Variants in LARP4 observed in about 807,000 individuals in gnomAD.
The protein encoded by LARP4 is la-related protein 4.
In LARP4, 29 loss-of-function variants were observed where a neutral mutation model predicts 92.9. The ratio of observed to expected loss-of-function variants is 0.31; its 90% CI spans 0.23 to 0.43. LARP4 has a LOEUF of 0.43. Ranked by LOEUF, LARP4 falls within the 20% of genes least tolerant of loss-of-function variation. The pLI is 1.00. For missense variants in LARP4, 732 were observed against 860.0 expected (o/e 0.85, Z 1.86); for synonymous variants, 279 against 284.1 (o/e 0.98, Z 0.18).
At chr12:50,473,951 G>C (rs770966172) in intron 14 of LARP4, 48 bp from the exon 15 acceptor site, 10 of 1,515,418 alleles carry the variant, frequency 6.6e-6, no homozygotes, top group Non-Finnish European at 9.0e-6. Context: ...TTGCTCAACT[G>C]TTCCTATATG....
intron 1 of LARP4, among the ~76,000 whole-genome samples, chr12:50,415,137 A>C (rs1410691577): frequency 6.6e-6 from 1 of 152,158 alleles, no homozygotes; most frequent in Non-Finnish European, 1.5e-5. Flanking sequence ...CCAGAGGTGG[A>C]GGTTGCAGTG....
At chr12:50,401,598 C>T (rs896956756) in intron 1 of LARP4, among the ~76,000 whole-genome samples, 2 of 152,186 alleles carry the variant, frequency 1.3e-5, no homozygotes, top group East Asian at 1.9e-4. Context: ...TACTTTGAAT[C>T]GAGGAGAAGC....
intron 1 of LARP4, among the ~76,000 whole-genome samples, chr12:50,427,440 G>T (rs1037489100): frequency 2.2e-4 from 34 of 152,052 alleles, no homozygotes; most frequent in African/African-American, 8.0e-4. Flanking sequence ...GCTCACTGTA[G>T]CCTCGAACTT....
At chr12:50,472,936 C>T (rs1015777294) in intron 13 of LARP4, among the ~76,000 whole-genome samples, 1 of 152,032 alleles carries the variant, frequency 6.6e-6, no homozygotes, top group East Asian at 1.9e-4. Flanking sequence ...AGCAATTCTG[C>T]CTCAGCCTCC....
chr12:50,477,239 A>G lies in LARP4; in HGVS notation c.*1375A>G, dbSNP rs1413748981. ...GTGAATAAAGTTGTAGCTCTCATAT[A>G]CTAAATAGACAAGTTTACATGCTGT... On this transcript the variant is annotated 3_prime_UTR_variant, in exon 16 of 16. Coordinates refer to ENST00000398473, the MANE Select transcript of LARP4 (RefSeq NM_052879.5). The G allele has an allele frequency of 2.0e-5, 3 of 152,390 alleles. No homozygotes were observed. The highest frequency in any genetic ancestry group is 4.8e-5 in the African/African-American group (2 of 41,450). 9.4% of individuals were successfully genotyped at this position (152,390 alleles called of 1,614,324 possible).
chr12:50,422,811 TTATTA>T (rs970972310), intron 1 of LARP4, among the ~76,000 whole-genome samples: 2 of 143,400 alleles, frequency 1.4e-5, no homozygotes, highest in African/African-American at 2.7e-5. Flanking sequence ...ATTATTATTA[TTATTA>T]TTATTATTAT....
At chr12:50,435,860 C>G (rs913999479) in intron 5 of LARP4, among the ~76,000 whole-genome samples, 1 of 151,882 alleles carries the variant, frequency 6.6e-6, no homozygotes, top group African/African-American at 2.4e-5. Flanking sequence ...ACTGCAGCCC[C>G]AAACTCCTGG....
At position 50,474,000 on chromosome 12, in the gene LARP4, A is replaced by T; in HGVS notation, c.1669A>T (p.Thr557Ser). The T allele has an allele frequency of 6.2e-7, 1 of 1,610,882 alleles. No individual in the cohort carries two copies. Among genetic ancestry groups the T allele is most frequent in the Non-Finnish European group, 8.5e-7 (1 of 1,179,516 alleles). The change falls in exon 15 of 16, where the codon ACA (threonine) becomes TCA (serine). Residue 557 changes from threonine to serine, a missense_variant and splice_region_variant. Around this residue, in one of 7 missense-constraint regions of LARP4, gnomAD observed 97 missense variants for 85.9 expected, o/e 1.13. Transcript: ENST00000398473. ...AATTGCAAGCTCTTTTTTCCTTAGC[A>T]CAACTCAGCAAGAAAAGGATCTAAT... ...PCAAELTALS[T>S]TQQEKDLIED...
rs542500465 is a variant in LARP4, at chr12:50,434,941, G to A, written c.399-547G>A. ...CGGGCGCCTGTAGTCCCAGCTACTC[G>A]GGAGGCTGAGGCAGGAGAATTACTT... On this transcript the variant is annotated intron_variant, in intron 4 of 15. Coordinates refer to ENST00000398473, the MANE Select transcript of LARP4 (RefSeq NM_052879.5). Among the ~76,000 whole-genome samples, 31 of 152,206 alleles carry A rather than the reference G, an allele frequency of 2.0e-4. No individual in the cohort carries two copies. In the East Asian group the frequency reaches 4.5e-3, roughly 22 times the overall value.
chr12:50,429,947 G>A (rs530779526), intron 3 of LARP4, among the ~76,000 whole-genome samples: 1 of 152,200 alleles, frequency 6.6e-6, no homozygotes, highest in South Asian at 2.1e-4. Flanking sequence ...GCCTTTAAGT[G>A]CTTTTAGTAT....
At chr12:50,437,701 A>G in intron 5 of LARP4, 34 bp from the exon 6 acceptor site, 2 of 1,210,698 alleles carry the variant, frequency 1.7e-6, no homozygotes, top group Non-Finnish European at 2.4e-6. Context: ...ACTACTTGTC[A>G]CGTTTGAGTG....
chr12:50,403,950 G>A (rs771243427), intron 1 of LARP4, among the ~76,000 whole-genome samples: 1 of 151,750 alleles, frequency 6.6e-6, no homozygotes, highest in Non-Finnish European at 1.5e-5. Context: ...GCAGCTGGGC[G>A]CAGTGGCTCA....
chr12:50,422,827 TA>T (rs1948049454), intron 1 of LARP4, among the ~76,000 whole-genome samples: 8 of 141,954 alleles, frequency 5.6e-5, no homozygotes, highest in Non-Finnish European at 1.1e-4. Flanking sequence ...TTATTATTAT[TA>T]TTATTTTTGA....
In LARP4 at chr12:50,461,850, T is replaced by G. The variant is rs376333793; in HGVS notation, c.1334+503T>G. On this transcript the variant is annotated intron_variant, in intron 11 of 15. Transcript: ENST00000398473. ...GCAGGCGCCTGTAATCCCAGCTACT[T>G]GGGAGCCTGAGGTAGGAGAATCACT... Among the ~76,000 whole-genome samples, 10 of 152,078 alleles carry G rather than the reference T, an allele frequency of 6.6e-5. No individual in the cohort carries two copies. In the South Asian group the frequency reaches 1.2e-3, roughly 19 times the overall value.
At chr12:50,473,910 A>C (rs1212940869) in intron 14 of LARP4, 89 bp from the exon 15 acceptor site, 6 of 764,920 alleles carry the variant, frequency 7.8e-6, no homozygotes, top group Non-Finnish European at 1.1e-5. Flanking sequence ...ACTCCGTCTC[A>C]AAAAAAAAAA....
intron 1 of LARP4, among the ~76,000 whole-genome samples, chr12:50,402,053 T>C (rs1192996000): frequency 6.6e-6 from 1 of 152,138 alleles, no homozygotes; most frequent in East Asian, 1.9e-4. Flanking sequence ...ATAAGAAGAA[T>C]CTTTTCAATG....
At chr12:50,448,971 T>C (rs1014503574) in intron 8 of LARP4, among the ~76,000 whole-genome samples, 1 of 152,164 alleles carries the variant, frequency 6.6e-6, no homozygotes, top group African/African-American at 2.4e-5. Flanking sequence ...AAATCTGGTC[T>C]GGACACTGTG....
At chr12:50,415,043 A>T (rs1009351788) in intron 1 of LARP4, among the ~76,000 whole-genome samples, 1 of 152,112 alleles carries the variant, frequency 6.6e-6, no homozygotes, top group East Asian at 1.9e-4. Context: ...TGTCTACTAA[A>T]CATACTTAAA....
At chr12:50,452,189 T>C (rs1388942672) in intron 8 of LARP4, among the ~76,000 whole-genome samples, 1 of 152,122 alleles carries the variant, frequency 6.6e-6, no homozygotes, top group Non-Finnish European at 1.5e-5. Flanking sequence ...TGGATATACA[T>C]AGGGTTGTTG....
Sources: allele counts gnomAD v4.1 joint callset (sites outside exome capture counted in the v4.1 genomes callset), GRCh38; gene constraint gnomAD v4.1.1; regional missense constraint gnomAD v4.1.1; transcripts MANE v1.5; gene names NCBI Gene and HGNC (gene_info 2026-07-23, HGNC 2026-07-21).